The following TMCO4 variants were observed in gnomAD, a reference collection of about 807,000 sequenced individuals.
TMCO4 encodes transmembrane and coiled-coil domain-containing protein 4.
Under a neutral mutation model 64.7 loss-of-function variants are expected in TMCO4, and 58 were observed. The ratio of observed to expected loss-of-function variants is 0.90; its 90% CI spans 0.73 to 1.12. The LOEUF is 1.12. TMCO4 is among the 50% of genes most tolerant of loss of function. The pLI is 0.00. For missense variants in TMCO4, 780 were observed against 825.9 expected (o/e 0.94, Z 0.68); for synonymous variants, 325 against 346.1 (o/e 0.94, Z 0.68).
In TMCO4 at chr1:19,715,517, A is replaced by C. The variant is rs140126603; in HGVS notation, c.1265-14632T>G. Among the ~76,000 whole-genome samples, 209 of 152,256 alleles carry C rather than the reference A, an allele frequency of 1.4e-3. 1 individual carries two copies. Among genetic ancestry groups the C allele is most frequent in the African/African-American group, 4.7e-3 (197 of 41,538 alleles). ...TATCTGATAAATATTAGTTCCTTCC[A>C]CTCTTTGTATATTTGGTGCCTAATA... On this transcript the variant is annotated intron_variant, in intron 13 of 15. Coordinates refer to ENST00000294543, the MANE Select transcript of TMCO4 (RefSeq NM_181719.7).
Position 19,753,180 on chromosome 1 carries a change from G to A in TMCO4, c.515+2454C>T, listed in dbSNP as rs141963403. On this transcript the variant is annotated intron_variant, in intron 7 of 15. Coordinates refer to ENST00000294543, the MANE Select transcript of TMCO4 (RefSeq NM_181719.7). ...TCACCATGTTGGTCAGGCTGGTCTC[G>A]AACTCCTGACCTCTGGTGATCCACC... 3.9e-3 allele frequency among the ~76,000 whole-genome samples: 600 copies of A among 151,972 alleles called. 2 individuals carry two copies. Among genetic ancestry groups the A allele is most frequent in the African/African-American group, 0.014 (573 of 41,432 alleles).
chr1:19,683,197 T>C lies in TMCO4; in HGVS notation c.1748A>G (p.Gln583Arg), dbSNP rs1462060953. 1.2e-6 allele frequency: 2 copies of C among 1,614,098 alleles called. No homozygotes were observed. Among genetic ancestry groups the C allele is most frequent in the South Asian group, 1.1e-5 (1 of 91,092 alleles). Residue 583 changes from glutamine (Q) to arginine (R), a missense_variant, in exon 16 of 16, where the codon CAG becomes CGG. Transcript: ENST00000294543. ...LAMSTDPSQA[Q>R]VPVGLDQSEG... ...AGACTGGTCCAGCCCTACTGGCACC[T>C]GGGCTTGGCTGGGGTCTGTGGACAT...
At chr1:19,765,511 T>A (rs1019407914) in intron 6 of TMCO4, among the ~76,000 whole-genome samples, 1 of 151,980 alleles carries the variant, frequency 6.6e-6, no homozygotes, top group African/African-American at 2.4e-5. Flanking sequence ...ACCTAGTGGG[T>A]AGAGGCCAGG....
intron 13 of TMCO4, among the ~76,000 whole-genome samples, chr1:19,704,534 T>C (rs1455065645): frequency 6.6e-6 from 1 of 152,180 alleles, no homozygotes; most frequent in Admixed American, 6.5e-5. Flanking sequence ...ACAGTGATCA[T>C]ATGCGGGTTA....
chr1:19,692,852 G>A (rs1314286966), intron 15 of TMCO4, among the ~76,000 whole-genome samples: 1 of 151,954 alleles, frequency 6.6e-6, no homozygotes, highest in Non-Finnish European at 1.5e-5. Context: ...CATGTGGCAG[G>A]TGAACGAGGT....
Position 19,683,758 on chromosome 1 carries a change from C to CT in TMCO4, c.1501-315dup, listed in dbSNP as rs531431284. ...AGAAGCTCTCGTTCTTTGTCTGAAG[C>CT]TTTTTTTTTTTTTTTTTTTTTTTTT... On this transcript the variant is annotated intron_variant, in intron 15 of 15. Transcript: ENST00000294543. 1.0e-2 allele frequency among the ~76,000 whole-genome samples: 789 copies of CT among 79,050 alleles called. 109 individuals are homozygous for CT. Among genetic ancestry groups the CT allele is most frequent in the African/African-American group, 0.019 (375 of 19,540 alleles). 51.9% of individuals were successfully genotyped at this position (79,050 alleles called of 152,430 possible).
intron 6 of TMCO4, among the ~76,000 whole-genome samples, chr1:19,761,472 C>T (rs2042501093): frequency 6.6e-6 from 1 of 152,222 alleles, no homozygotes; most frequent in Non-Finnish European, 1.5e-5. Context: ...AGCTGGTATC[C>T]AGAGGTCCTT....
At chr1:19,741,089 A>C in intron 10 of TMCO4, 148 bp from the exon 11 acceptor site, 1 of 847,884 alleles carries the variant, frequency 1.2e-6, no homozygotes, top group Middle Eastern at 3.7e-4. Flanking sequence ...AGCTGTCAGC[A>C]GAGCTAGCGG....
intron 3 of TMCO4, among the ~76,000 whole-genome samples, chr1:19,781,868 C>G (rs956165894): frequency 5.3e-5 from 8 of 152,080 alleles, no homozygotes; most frequent in Non-Finnish European, 8.8e-5. Context: ...GGATGGTCTC[C>G]ATCTCCTGAC....
intron 13 of TMCO4, among the ~76,000 whole-genome samples, chr1:19,723,165 A>G (rs1027728696): frequency 5.3e-5 from 8 of 152,188 alleles, no homozygotes; most frequent in African/African-American, 1.9e-4. Context: ...GAATATTTGC[A>G]TTATTCTTAT....
chr1:19,739,382 A>G (rs1008861146), intron 12 of TMCO4, among the ~76,000 whole-genome samples: 1 of 152,246 alleles, frequency 6.6e-6, no homozygotes, highest in Non-Finnish European at 1.5e-5. Context: ...GGCCACCAGC[A>G]TGTGGGAATT....
intron 10 of TMCO4, among the ~76,000 whole-genome samples, chr1:19,741,285 T>C (rs765724999): frequency 6.6e-6 from 1 of 152,222 alleles, no homozygotes; most frequent in Non-Finnish European, 1.5e-5. Flanking sequence ...GTTTGAACTA[T>C]GATATATGTA....
Position 19,682,505 on chromosome 1 carries a change from C to T in TMCO4, c.*535G>A. ...GTACAGGGCAGATCTGATTGGATCTCCTAAGAGCAGGAGTGAGCTGCCTTC... is the reference window on the plus strand; with the variant it reads ...GTACAGGGCAGATCTGATTGGATCTTCTAAGAGCAGGAGTGAGCTGCCTTC... On this transcript the variant is annotated 3_prime_UTR_variant, in exon 16 of 16. Coordinates refer to ENST00000294543, the MANE Select transcript of TMCO4 (RefSeq NM_181719.7). 2 of 678,242 alleles carry T rather than the reference C, an allele frequency of 2.9e-6. No individual in the cohort carries two copies. Among genetic ancestry groups the T allele is most frequent in the Non-Finnish European group, 2.7e-6 (1 of 365,414 alleles). The allele number at this position is 678,242 out of a possible 1,614,324, so 42.0% of individuals were successfully genotyped here.
chr1:19,768,027 G>A (rs1177958809), intron 6 of TMCO4, among the ~76,000 whole-genome samples: 1 of 151,794 alleles, frequency 6.6e-6, no homozygotes, highest in African/African-American at 2.4e-5. Context: ...GGGAGGCAGA[G>A]GTTGCAGTGA....
intron 7 of TMCO4, among the ~76,000 whole-genome samples, chr1:19,748,300 G>A (rs1412063044): frequency 6.6e-6 from 1 of 152,190 alleles, no homozygotes; most frequent in Non-Finnish European, 1.5e-5. Flanking sequence ...TTGTCAAAAG[G>A]CGGACACTAA....
intron 13 of TMCO4, among the ~76,000 whole-genome samples, chr1:19,729,777 TAAAC>T (rs1370976296): frequency 3.9e-5 from 6 of 151,950 alleles, no homozygotes; most frequent in African/African-American, 2.4e-5. Flanking sequence ...AATAAATAAA[TAAAC>T]AAATAAATAA....
chr1:19,685,758 G>A (rs1056208854), intron 15 of TMCO4, among the ~76,000 whole-genome samples: 1 of 128,882 alleles, frequency 7.8e-6, no homozygotes, highest in Non-Finnish European at 1.6e-5. Flanking sequence ...CTGTTGCCCA[G>A]GCTGGAGTGC....
At chr1:19,784,921 G>A (rs1355952637) in intron 3 of TMCO4, among the ~76,000 whole-genome samples, 1 of 151,656 alleles carries the variant, frequency 6.6e-6, no homozygotes, top group Non-Finnish European at 1.5e-5. Context: ...ATTTGTGTTG[G>A]GCCGCATTCA....
chr1:19,768,637 C>T (rs1316251385), intron 6 of TMCO4, among the ~76,000 whole-genome samples: 4 of 152,214 alleles, frequency 2.6e-5, no homozygotes, highest in African/African-American at 9.6e-5. Flanking sequence ...CCTCGCCTGC[C>T]TCAAAGCAGA....
Sources: allele counts gnomAD v4.1 joint callset (sites outside exome capture counted in the v4.1 genomes callset), GRCh38; gene constraint gnomAD v4.1.1; transcripts MANE v1.5; gene names NCBI Gene and HGNC (gene_info 2026-07-23, HGNC 2026-07-21).